The following RBFOX1 variants were observed in gnomAD, a reference collection of about 807,000 sequenced individuals.
The protein encoded by RBFOX1 is RNA binding protein fox-1 homolog 1.
In RBFOX1, 8 loss-of-function variants were observed where a neutral mutation model predicts 57.7. The ratio of observed to expected loss-of-function variants is 0.14; its 90% CI spans 0.08 to 0.25. The LOEUF (loss-of-function observed/expected upper bound fraction) is 0.25. Ranked by LOEUF, RBFOX1 falls within the 10% of genes least tolerant of loss-of-function variation. The probability of loss-of-function intolerance (pLI) is 1.00; values close to 1 mark genes in which losing one functional copy is unlikely to be tolerated. For synonymous variants in RBFOX1, 326 were observed against 222.4 expected (o/e 1.47, Z -4.15); for missense variants, 611 against 548.5 (o/e 1.11, Z -1.14).
intron 12 of RBFOX1, among the ~76,000 whole-genome samples, chr16:7,664,211 A>G (rs2068571147): frequency 6.6e-6 from 1 of 152,270 alleles, no homozygotes; most frequent in African/African-American, 2.4e-5. Context: ...AGACAAATAC[A>G]TGCATTCCTG....
At chr16:6,485,572 C>T (rs183478710) in intron 2 of RBFOX1, among the ~76,000 whole-genome samples, 64 of 152,246 alleles carry the variant, frequency 4.2e-4, no homozygotes, top group African/African-American at 1.5e-3. Flanking sequence ...CTCCGCTCAC[C>T]TGCAAGAATT....
intron 1 of RBFOX1, among the ~76,000 whole-genome samples, chr16:6,065,987 C>A: frequency 6.6e-6 from 1 of 152,260 alleles, no homozygotes; most frequent in African/African-American, 2.4e-5. Context: ...AGATATATTT[C>A]CGACTTCAAC....
intron 14 of RBFOX1, among the ~76,000 whole-genome samples, chr16:7,704,793 G>T (rs2081917595): frequency 6.6e-6 from 1 of 152,284 alleles, no homozygotes; most frequent in East Asian, 1.9e-4. Flanking sequence ...GCTCATGTTT[G>T]TAATCCTAGC....
chr16:5,855,609 G>A (rs1195892803), intron 3 of RBFOX1, among the ~76,000 whole-genome samples: 1 of 152,090 alleles, frequency 6.6e-6, no homozygotes, highest in East Asian at 1.9e-4. Flanking sequence ...CTACTATACT[G>A]TTTTGGTTAC....
At position 5,439,507 on chromosome 16, in the gene RBFOX1, A is replaced by G. The variant is rs2068018618; in HGVS notation, c.220-27709A>G. 2.0e-5 allele frequency among the ~76,000 whole-genome samples: 3 copies of G among 152,168 alleles called. No individual in the cohort carries two copies. In the South Asian group the frequency reaches 6.2e-4, roughly 32 times the overall value. The stretch of plus-strand genomic sequence containing the variant: ...GACTGGGTGGAACTGGAGAGAACGA[A>G]CAAATGCATGATAGGTATCTCGTAG... On this transcript the variant is annotated intron_variant, in intron 1 of 2. Transcript: ENST00000585867.
chr16:6,759,649 C>G (rs1383343001), intron 3 of RBFOX1, among the ~76,000 whole-genome samples: 2 of 152,052 alleles, frequency 1.3e-5, no homozygotes, highest in African/African-American at 2.4e-5. Flanking sequence ...AGGTCTATTA[C>G]TTGTTTTCAC....
rs377066404 is a variant in RBFOX1, at chr16:5,776,393, G to A, written c.319-90910G>A. Among the ~76,000 whole-genome samples, 17 of 152,232 alleles carry A rather than the reference G, an allele frequency of 1.1e-4. No homozygotes were observed. The East Asian group carries it at 2.7e-3, about 24-fold the overall frequency. ...CATTCCTTCAGCAGCATGAGACCAC[G>A]GCCACCATTTTAACCTGCATCCCTC... On this transcript the variant is annotated intron_variant, in intron 3 of 19. Transcript: ENST00000641259.
chr16:7,577,774 C>A (rs1015055030), intron 5 of RBFOX1, among the ~76,000 whole-genome samples: 6 of 152,192 alleles, frequency 3.9e-5, no homozygotes, highest in African/African-American at 1.4e-4. Context: ...TGGCTCATGC[C>A]TGTAATCCTA....
intron 3 of RBFOX1, among the ~76,000 whole-genome samples, chr16:6,928,653 C>G (rs958909230): frequency 6.6e-6 from 1 of 152,056 alleles, no homozygotes; most frequent in Non-Finnish European, 1.5e-5. Flanking sequence ...ATGTGGGATT[C>G]TTCAAAAGTA....
intron 1 of RBFOX1, among the ~76,000 whole-genome samples, chr16:6,055,030 G>T (rs891529104): frequency 5.3e-5 from 8 of 152,010 alleles, no homozygotes; most frequent in Non-Finnish European, 8.8e-5. Context: ...AATATTGTCA[G>T]GTGTCCAATG....
chr16:5,830,391 TG>T (rs2056222786), intron 3 of RBFOX1, among the ~76,000 whole-genome samples: 2 of 152,022 alleles, frequency 1.3e-5, no homozygotes, highest in African/African-American at 2.4e-5. Context: ...TTTTTTTTTT[TG>T]TTCTTTCTGT....
intron 4 of RBFOX1, chr16:7,304,632 C>T (rs2096128065): frequency 1.0e-6 from 1 of 971,434 alleles, no homozygotes; most frequent in African/African-American, 1.8e-5. Flanking sequence ...TGGAAGCCTC[C>T]TGCTCTCTGT....
At chr16:5,958,186 T>C (rs1456358496) in intron 4 of RBFOX1, among the ~76,000 whole-genome samples, 1 of 152,214 alleles carries the variant, frequency 6.6e-6, no homozygotes, top group Non-Finnish European at 1.5e-5. Context: ...GCACCCTCAA[T>C]ACTTATCAAA....
At chr16:6,761,111 C>G (rs945791404) in intron 3 of RBFOX1, among the ~76,000 whole-genome samples, 29 of 152,138 alleles carry the variant, frequency 1.9e-4, no homozygotes, top group African/African-American at 6.8e-4. Context: ...AGCACAATCA[C>G]GACTGACAAT....
intron 1 of RBFOX1, among the ~76,000 whole-genome samples, chr16:6,132,753 C>T (rs923942021): frequency 3.3e-5 from 5 of 152,066 alleles, no homozygotes; most frequent in African/African-American, 1.2e-4. Flanking sequence ...CTTTGGGAGG[C>T]TGAGGCAGGC....
At chr16:7,036,710 C>CAA (rs201003396) in intron 3 of RBFOX1, among the ~76,000 whole-genome samples, 11 of 128,192 alleles carry the variant, frequency 8.6e-5, no homozygotes, top group African/African-American at 2.9e-4. Context: ...AACAAACAAA[C>CAA]AAAAAAAACA....
intron 3 of RBFOX1, among the ~76,000 whole-genome samples, chr16:6,907,980 C>G (rs1425445114): frequency 6.6e-6 from 1 of 151,644 alleles, no homozygotes; most frequent in African/African-American, 2.4e-5. Context: ...GCATGGATGT[C>G]TCTGTGTCTC....
chr16:7,369,649 G>A (rs983190861), intron 4 of RBFOX1, among the ~76,000 whole-genome samples: 1 of 152,116 alleles, frequency 6.6e-6, no homozygotes, highest in Non-Finnish European at 1.5e-5. Context: ...TGTAACAATT[G>A]TTTGAAGTGA....
chr16:7,358,732 T>A (rs1019040531), intron 4 of RBFOX1, among the ~76,000 whole-genome samples: 5 of 152,186 alleles, frequency 3.3e-5, no homozygotes, highest in African/African-American at 1.2e-4. Flanking sequence ...TTAAGTACTT[T>A]TTATATGAAT....
Sources: gnomAD v4.1 joint callset for allele counts (sites outside exome capture counted in the v4.1 genomes callset) on GRCh38, gnomAD v4.1.1 for gene constraint, MANE v1.5 for transcripts, NCBI Gene and HGNC (gene_info 2026-07-23, HGNC 2026-07-21) for gene names.